IFT140: variants seen among roughly 807,000 people sequenced by gnomAD.
IFT140 encodes the protein intraflagellar transport 140, also known as intraflagellar transport protein 140 homolog.
In IFT140, 133 loss-of-function variants were observed where a neutral mutation model predicts 164.6. That is an observed-to-expected ratio of 0.81 (90% CI 0.70 to 0.93). The LOEUF (loss-of-function observed/expected upper bound fraction) is 0.93. IFT140 is among the 40% of genes least tolerant of loss of function. The pLI is 0.00. For synonymous variants in IFT140, 860 were observed against 817.3 expected (o/e 1.05, Z -0.89); for missense variants, 2,045 against 1,972.3 (o/e 1.04, Z -0.70).
chr16:1,566,221 A>C lies in IFT140; in HGVS notation c.1841T>G (p.Phe614Cys), dbSNP rs1233695694. ...TCTCCGATCAATTTGTCCAGTCTTG[A>C]AGTCAAAGACGGTCACTGTGTCCAT... ...VEMDTVTVFD[F>C]KTGQIDRRET... The change falls in exon 16 of 31, where the codon TTC becomes TGC. Residue 614 changes from phenylalanine to cysteine, a missense_variant. Physicochemically the swap from Phe to Cys is radical, Grantham distance 205. Transcript: ENST00000426508. 1 of 1,613,718 alleles carries C rather than the reference A, an allele frequency of 6.2e-7. No individual in the cohort carries two copies. Among genetic ancestry groups the C allele is most frequent in the African/African-American group, 1.3e-5 (1 of 74,926 alleles).
chr16:1,579,198 A>G (rs2034429310), intron 13 of IFT140: 1 of 152,192 alleles, frequency 6.6e-6, no homozygotes, highest in Non-Finnish European at 1.5e-5. Context: ...TAAGGAAGGG[A>G]AAATATGTTT....
chr16:1,567,785 C>T (rs1039767114), intron 15 of IFT140, among the ~76,000 whole-genome samples: 5 of 152,230 alleles, frequency 3.3e-5, no homozygotes, highest in African/African-American at 1.2e-4. Flanking sequence ...ATGTGGCTGC[C>T]GCTGGCCCTC....
chr16:1,575,492 G>A (rs2034229468), intron 13 of IFT140, among the ~76,000 whole-genome samples: 1 of 152,152 alleles, frequency 6.6e-6, no homozygotes, highest in African/African-American at 2.4e-5. Flanking sequence ...GGTCAAGACT[G>A]CAGTGAGCTA....
chr16:1,567,492 G>A (rs2033782500), intron 15 of IFT140, among the ~76,000 whole-genome samples: 1 of 152,182 alleles, frequency 6.6e-6, no homozygotes, highest in African/African-American at 2.4e-5. Flanking sequence ...CCTGGCCGGA[G>A]CTCCACAGCA....
intron 13 of IFT140, chr16:1,580,472 C>T (rs1022096583): frequency 4.9e-5 from 15 of 308,916 alleles, no homozygotes; most frequent in African/African-American, 3.1e-4. Flanking sequence ...GCTTCGCTCT[C>T]TCTTCCTCCT....
At chr16:1,513,286 A>C (rs904893115) in intron 30 of IFT140, 1 of 152,126 alleles carries the variant, frequency 6.6e-6, no homozygotes, top group African/African-American at 2.4e-5. Flanking sequence ...TCAGGAGATC[A>C]AGACCATCCT....
At chr16:1,598,649 T>C (rs1230293692) in intron 4 of IFT140, among the ~76,000 whole-genome samples, 9 of 152,252 alleles carry the variant, frequency 5.9e-5, no homozygotes, top group Non-Finnish European at 1.3e-4. Flanking sequence ...GAGGCTGGTG[T>C]GCACTATGAG....
At chr16:1,568,467 T>C (rs2141598575) in intron 14 of IFT140, 133 bp from the exon 15 acceptor site, 1 of 712,836 alleles carries the variant, frequency 1.4e-6, no homozygotes, top group Admixed American at 2.6e-5. Context: ...GTGGCGCGTG[T>C]GCACCATGAG....
chr16:1,583,245 C>A, intron 12 of IFT140, 69 bp downstream of exon 12: 3 of 1,357,298 alleles, frequency 2.2e-6, no homozygotes, highest in East Asian at 2.3e-5. Context: ...CACAGTGGCC[C>A]TCTCATTAGG....
intron 30 of IFT140, among the ~76,000 whole-genome samples, chr16:1,517,485 A>C (rs571387494): frequency 6.6e-6 from 1 of 152,328 alleles, no homozygotes; most frequent in East Asian, 1.9e-4. Flanking sequence ...TCATCCAGAA[A>C]ATGTGAATTT....
At chr16:1,538,014 CG>C (rs1567344122) in intron 19 of IFT140, among the ~76,000 whole-genome samples, 1 of 152,242 alleles carries the variant, frequency 6.6e-6, no homozygotes, top group Non-Finnish European at 1.5e-5. Flanking sequence ...GCTGCTACCA[CG>C]CACAGCCACG....
intron 19 of IFT140, among the ~76,000 whole-genome samples, chr16:1,542,239 C>G (rs371594237): frequency 6.6e-6 from 1 of 152,258 alleles, no homozygotes; most frequent in African/African-American, 2.4e-5. Context: ...TCCTCCCTCC[C>G]TCTTGCTGTA....
chr16:1,584,165 AT>A (rs2034735384), intron 11 of IFT140, 51 bp downstream of exon 11: 2 of 1,536,628 alleles, frequency 1.3e-6, no homozygotes, highest in African/African-American at 2.7e-5. Context: ...CTACCTGGCC[AT>A]GGGGCAGTTC....
intron 4 of IFT140, among the ~76,000 whole-genome samples, chr16:1,594,513 G>A (rs902286196): frequency 6.6e-5 from 10 of 152,158 alleles, no homozygotes; most frequent in Non-Finnish European, 7.4e-5. Flanking sequence ...GAGCCACAGC[G>A]CCTGGCCTAG....
rs2036118371 is a variant in IFT140 at position 1,607,195 on chromosome 16, G to A, written c.72C>T (p.His24=). The A allele has an allele frequency of 6.2e-7, 1 of 1,614,020 alleles. No individual in the cohort carries two copies. Among genetic ancestry groups the A allele is most frequent in the South Asian group, 1.1e-5 (1 of 91,088 alleles). ...CAACTGCCAAGAATGGATGGACAGG[G>A]TGCCAGCTGATAAATGAGGGTGACC... ...AAGSPSFISW[H]PVHPFLAVAY... The change falls in exon 3 of 31, where the codon CAC becomes CAT. Residue 24 remains histidine (H), a synonymous_variant. Transcript: ENST00000426508.
rs569772719 is a variant in IFT140, at chr16:1,575,406, G to C, written c.1525-3872C>G. On this transcript the variant is annotated intron_variant, in intron 13 of 30. Coordinates refer to ENST00000426508, the MANE Select transcript of IFT140 (RefSeq NM_014714.4). ...AATAAATAAAAATGAAAATAAAAAA[G>C]TAGCCAGGCATGGTGGTGCATACCT... Among the ~76,000 whole-genome samples the C allele has an allele frequency of 2.6e-5, 4 of 151,512 alleles. No individual in the cohort carries two copies. In the East Asian group the frequency reaches 5.8e-4, roughly 22 times the overall value.
intron 3 of IFT140, among the ~76,000 whole-genome samples, chr16:1,603,777 G>A (rs549870018): frequency 1.2e-4 from 19 of 152,298 alleles, no homozygotes; most frequent in Admixed American, 3.3e-4. Flanking sequence ...CACCGTGCCC[G>A]GCCATGTGCT....
chr16:1,608,747 G>C (rs1685255568), intron 2 of IFT140, among the ~76,000 whole-genome samples: 1 of 151,740 alleles, frequency 6.6e-6, no homozygotes, highest in Admixed American at 6.6e-5. Context: ...ATTGTTTAGA[G>C]ACAGGGCCCC....
intron 15 of IFT140, among the ~76,000 whole-genome samples, chr16:1,567,148 C>T (rs545744542): frequency 3.7e-4 from 57 of 152,316 alleles, no homozygotes; most frequent in Non-Finnish European, 6.0e-4. Flanking sequence ...CCTACCCCTC[C>T]GCCAGTCCAT....
Sources: gnomAD v4.1 joint callset for allele counts (sites outside exome capture counted in the v4.1 genomes callset) on GRCh38, gnomAD v4.1.1 for gene constraint, MANE v1.5 for transcripts, NCBI Gene and HGNC (gene_info 2026-07-23, HGNC 2026-07-21) for gene names.